The following PAH variants were observed in gnomAD, a reference collection of about 807,000 sequenced individuals.
The protein encoded by PAH is phenylalanine hydroxylase.
Under a neutral mutation model 62.0 loss-of-function variants are expected in PAH, and 64 were observed. That is an observed-to-expected ratio of 1.03 (90% CI 0.84 to 1.27). The LOEUF is 1.27. Ranked by LOEUF, PAH falls within the 50% of genes most tolerant of loss-of-function variation. The pLI is 0.00. For synonymous variants in PAH, 195 were observed against 196.2 expected (o/e 0.99, Z 0.05); for missense variants, 579 against 542.8 (o/e 1.07, Z -0.66).
intron 8 of PAH, among the ~76,000 whole-genome samples, chr12:102,850,298 A>G (rs1226064026): frequency 6.6e-6 from 1 of 152,232 alleles, no homozygotes. Context: ...AACCTCACAT[A>G]AAAGTAATTT....
chr12:102,904,738 C>T (rs1427573380), intron 2 of PAH: 2 of 509,856 alleles, frequency 3.9e-6, no homozygotes, highest in African/African-American at 1.9e-5. Context: ...TTAAAGGTCT[C>T]ATCCGTATTT....
chr12:102,840,571 T>A lies in PAH; in HGVS notation c.1200-56A>T, dbSNP rs1001243161. On this transcript the variant is annotated intron_variant, in intron 11 of 12. Transcript: ENST00000553106. ...GGCACCATTTGGAGAAAGGTAGTCT[T>A]AAGAGAGTTCTCAGTGGCATTTTAC... 4 of 1,210,842 alleles carry A rather than the reference T, an allele frequency of 3.3e-6. No homozygotes were observed. The African/African-American group carries it at 6.0e-5, about 18-fold the overall frequency. The allele number at this position is 1,210,842 out of a possible 1,614,324, so 75.0% of individuals were successfully genotyped here.
chr12:102,844,159 T>G (rs1453191957), intron 10 of PAH, among the ~76,000 whole-genome samples, 177 bp downstream of exon 10: 4 of 152,172 alleles, frequency 2.6e-5, no homozygotes, highest in Non-Finnish European at 5.9e-5. Flanking sequence ...TTTCTATCTG[T>G]AAAACCCACA....
chr12:102,848,232 AGGGAACAAGGAGAC>A (rs1378113061), intron 8 of PAH, among the ~76,000 whole-genome samples: 1 of 149,250 alleles, frequency 6.7e-6, no homozygotes, highest in African/African-American at 2.5e-5. Flanking sequence ...GAGGGTAGAC[AGGGAACAAGGAGAC>A]TGAAGGGGTT....
chr12:102,937,560 T>C lies in PAH; in HGVS notation c.-96+13029A>G, dbSNP rs910394407. ...AAACTAATTTTAAAACTCTACACTT[T>C]AACTTTGTTGCCCTGATTGTTAACT... On this transcript the variant is annotated intron_variant, in intron 1 of 3. Transcript: ENST00000546844. Among the ~76,000 whole-genome samples, 6 of 152,226 alleles carry C rather than the reference T, an allele frequency of 3.9e-5. No homozygotes were observed. In the East Asian group the frequency reaches 9.6e-4, roughly 24 times the overall value.
In PAH at chr12:102,871,932, AAAAAAAAAAAAAAAAAAAT is replaced by A. The variant is rs1356201548; in HGVS notation, c.442-5288_442-5270del. ...AGCAAAACTCTGCCTCAAAAAAAAA[AAAAAAAAAAAAAAAAAAAT>A]ATATATATATATATATATATATATA... On this transcript the variant is annotated intron_variant, in intron 4 of 12. Coordinates refer to ENST00000553106, the MANE Select transcript of PAH (RefSeq NM_000277.3). Among the ~76,000 whole-genome samples, 504 of 116,426 alleles carry A rather than the reference AAAAAAAAAAAAAAAAAAAT, an allele frequency of 4.3e-3. 3 individuals carry two copies. Among genetic ancestry groups the A allele is most frequent in the East Asian group, 7.5e-3 (33 of 4,426 alleles). 76.4% of individuals were successfully genotyped at this position (116,426 alleles called of 152,430 possible).
At chr12:102,864,015 T>C (rs1875841534) in intron 5 of PAH, among the ~76,000 whole-genome samples, 1 of 152,158 alleles carries the variant, frequency 6.6e-6, no homozygotes, top group Non-Finnish European at 1.5e-5. Context: ...TTGGATTCAT[T>C]CATTCATTCA....
At chr12:102,916,388 C>T (rs192434172) in intron 1 of PAH, among the ~76,000 whole-genome samples, 2 of 152,234 alleles carry the variant, frequency 1.3e-5, no homozygotes, top group Non-Finnish European at 2.9e-5. Flanking sequence ...ATGTAGGTCA[C>T]ATTAAAGAAT....
chr12:102,891,016 G>A (rs562349689), intron 3 of PAH, among the ~76,000 whole-genome samples: 24 of 152,252 alleles, frequency 1.6e-4, no homozygotes, highest in East Asian at 7.7e-4. Context: ...CCCGAGAGGC[G>A]GAGGTTGCAG....
chr12:102,958,438 A>C (rs748617000), upstream of PAH: 5 of 1,555,942 alleles, frequency 3.2e-6, no homozygotes, highest in Non-Finnish European at 1.7e-6. Context: ...CAGGCGCCGC[A>C]GCTGAGACCG....
At position 102,855,172 on chromosome 12, in the gene PAH, T is replaced by G; in HGVS notation, c.670A>C (p.Ile224Leu). Residue 224 changes from isoleucine to leucine, a missense_variant, in exon 6 of 13, where the codon ATT (isoleucine) becomes CTT (leucine). Transcript: ENST00000553106. ...TGAGAAACGTCTTCCAGCTGGGGAATGTTATCTTCATGGAAGCCACAGTAC... is the reference window on the plus strand; with the variant it reads ...TGAGAAACGTCTTCCAGCTGGGGAAGGTTATCTTCATGGAAGCCACAGTAC... ...EKYCGFHEDN[I>L]PQLEDVSQFL... 3 of 1,614,202 alleles carry G rather than the reference T, an allele frequency of 1.9e-6. No individual in the cohort carries two copies. Among genetic ancestry groups the G allele is most frequent in the Non-Finnish European group, 2.5e-6 (3 of 1,180,012 alleles).
intron 4 of PAH, among the ~76,000 whole-genome samples, chr12:102,871,005 C>T (rs1483754335): frequency 6.6e-6 from 1 of 152,172 alleles, no homozygotes; most frequent in Non-Finnish European, 1.5e-5. Context: ...TTCTACCATT[C>T]AAACATCTGA....
intron 11 of PAH, among the ~76,000 whole-genome samples, chr12:102,841,682 A>G (rs1453591327): frequency 1.3e-5 from 2 of 152,230 alleles, no homozygotes; most frequent in Non-Finnish European, 2.9e-5. Context: ...GAGCTGTCTC[A>G]ACCCAGCTGG....
chr12:102,893,451 G>C (rs1877365326), intron 3 of PAH, among the ~76,000 whole-genome samples: 1 of 151,906 alleles, frequency 6.6e-6, no homozygotes, highest in African/African-American at 2.4e-5. Context: ...ATTAAAAAAT[G>C]GTTCATTTGA....
At chr12:102,879,662 G>A (rs1329997074) in intron 3 of PAH, among the ~76,000 whole-genome samples, 2 of 151,926 alleles carry the variant, frequency 1.3e-5, no homozygotes, top group African/African-American at 4.8e-5. Flanking sequence ...GAGGTACAGA[G>A]AGGTTTAGTG....
rs1874407200 is a variant in PAH at position 102,837,416 on chromosome 12, C to T, written c.*1759G>A. The T allele has an allele frequency of 1.3e-5, 2 of 152,196 alleles. No individual in the cohort carries two copies. Among genetic ancestry groups the T allele is most frequent in the African/African-American group, 4.8e-5 (2 of 41,454 alleles). 9.4% of individuals were successfully genotyped at this position (152,196 alleles called of 1,614,324 possible). On this transcript the variant is annotated 3_prime_UTR_variant, in exon 13 of 13. Coordinates refer to ENST00000553106, the MANE Select transcript of PAH (RefSeq NM_000277.3). ...CTTTTCATGTGAAATGAAGAAACAT[C>T]AGAATAATCCCTTTGCAGGGATTGT...
At chr12:102,865,770 AT>A (rs1259286324) in intron 5 of PAH, among the ~76,000 whole-genome samples, 5 of 152,146 alleles carry the variant, frequency 3.3e-5, no homozygotes, top group African/African-American at 1.2e-4. Context: ...AGGTTTTTCC[AT>A]GTTGAAAGTA....
At chr12:102,871,933 AAAAAAAAAAAAAAAAAATATATAT>A (rs71097949) in intron 4 of PAH, among the ~76,000 whole-genome samples, 1,086 of 108,208 alleles carry the variant, frequency 0.01, no homozygotes, top group Admixed American at 0.015. Flanking sequence ...AAAAAAAAAA[AAAAAAAAAAAAAAAAAATATATAT>A]ATATATATAT....
At chr12:102,926,377 T>G (rs1337465595) in intron 1 of PAH, among the ~76,000 whole-genome samples, 1 of 151,538 alleles carries the variant, frequency 6.6e-6, no homozygotes, top group African/African-American at 2.4e-5. Flanking sequence ...TATGAGTAAA[T>G]GGGACTTTTC....
Sources: gnomAD v4.1 joint callset for allele counts (sites outside exome capture counted in the v4.1 genomes callset) on GRCh38, gnomAD v4.1.1 for gene constraint, MANE v1.5 for transcripts, NCBI Gene and HGNC (gene_info 2026-07-23, HGNC 2026-07-21) for gene names.